The following CCDC13 variants were observed in gnomAD, a reference collection of about 807,000 sequenced individuals.
CCDC13 encodes the protein coiled-coil domain containing 13.
Under a neutral mutation model 87.3 loss-of-function variants are expected in CCDC13, and 70 were observed. The ratio of observed to expected loss-of-function variants is 0.80; its 90% CI spans 0.66 to 0.98. The LOEUF is 0.98. CCDC13 is among the 50% of genes least tolerant of loss of function. The pLI, the probability that CCDC13 is intolerant of heterozygous loss-of-function variation, is 0.00. For missense variants in CCDC13, 842 were observed against 892.0 expected, an observed-to-expected ratio of 0.94 and a Z score of 0.71; for synonymous variants, 317 against 360.3, an observed-to-expected ratio of 0.88 and a Z score of 1.36.
chr3:42,739,835 G>C, intron 8 of CCDC13, 25 bp from the exon 9 acceptor site: 1 of 1,607,282 alleles, frequency 6.2e-7, no homozygotes, highest in East Asian at 2.2e-5. Flanking sequence ...TGAGGGCATG[G>C]GCAGCAGGGC....
chr3:42,745,884 C>T, intron 7 of CCDC13, 39 bp downstream of exon 7: 5 of 1,537,610 alleles, frequency 3.3e-6, no homozygotes, highest in South Asian at 1.1e-5. Context: ...TGTTTTAAAT[C>T]CTTTGTTCAG....
In CCDC13 at chr3:42,758,245, C is replaced by G. The variant is rs767441547; in HGVS notation, c.101G>C (p.Arg34Thr). ...GCTTTTGAGGCTCAGTTCTTTTTCC[C>G]TCTTTTTCTCCATCTGCTTCTGTAA... ...KRLQKQMEKK[R>T]EKELSLKSRA... The change falls in exon 2 of 16, where the codon AGG (arginine) becomes ACG (threonine). Residue 34 changes from arginine to threonine, a missense_variant. By Grantham distance (71) the Arg-to-Thr change is moderately conservative (BLOSUM62 -1). Coordinates refer to ENST00000310232, the MANE Select transcript of CCDC13 (RefSeq NM_144719.4). 6.2e-7 allele frequency: 1 copy of G among 1,613,900 alleles called. No homozygotes were observed. Among genetic ancestry groups the G allele is most frequent in the South Asian group, 1.1e-5 (1 of 91,072 alleles).
At chr3:42,760,827 T>C (rs1021380808) in intron 1 of CCDC13, among the ~76,000 whole-genome samples, 4 of 152,162 alleles carry the variant, frequency 2.6e-5, no homozygotes, top group Non-Finnish European at 5.9e-5. Flanking sequence ...GGTATCTCAA[T>C]GTGTTTTTAA....
intron 13 of CCDC13, chr3:42,719,382 C>CCTCTTTCTCTCTCT (rs1386418167): frequency 5.7e-5 from 3 of 52,382 alleles, no homozygotes; most frequent in East Asian, 1.7e-3. Flanking sequence ...GCAGTGCTTT[C>CCTCTTTCTCTCTCT]CTCTCTCTCT....
At chr3:42,717,246 C>T (rs933148731) in intron 13 of CCDC13, among the ~76,000 whole-genome samples, 6 of 151,564 alleles carry the variant, frequency 4.0e-5, no homozygotes, top group South Asian at 2.1e-4. Context: ...GCCAACATGG[C>T]GAAACCCCAT....
At position 42,747,349 on chromosome 3, in the gene CCDC13, G is replaced by A. The variant is rs148855273; in HGVS notation, c.628C>T (p.Leu210=). 460 of 1,613,880 alleles carry A rather than the reference G, an allele frequency of 2.9e-4. 1 individual carries two copies. Among genetic ancestry groups the A allele is most frequent in the Non-Finnish European group, 3.6e-4 (422 of 1,179,966 alleles). Residue 210 remains leucine, a synonymous_variant, in exon 6 of 16, where the codon CTG becomes TTG. Transcript: ENST00000310232. ...ALLETPEVKA[L]QDRLVATNLK... ...TTGGTGGCCACCAGCCTGTCCTGCA[G>A]GGCCTTCACCTCTGGGGTCTCCAGC...
At chr3:42,729,233 G>A (rs991343289) in intron 13 of CCDC13, among the ~76,000 whole-genome samples, 2 of 152,142 alleles carry the variant, frequency 1.3e-5, no homozygotes, top group African/African-American at 4.8e-5. Flanking sequence ...GAGAGAGAAA[G>A]CCTGCATTGA....
Position 42,735,659 on chromosome 3 carries a change from C to T in CCDC13, c.1371+48G>A, listed in dbSNP as rs778229694. Reference sequence around the variant, plus strand: ...AAAGAAGTGGAAGGAGCTGGATGGACTTGCCCGGCTTGAAAATGGGTTTGG... The same window carrying T: ...AAAGAAGTGGAAGGAGCTGGATGGATTTGCCCGGCTTGAAAATGGGTTTGG... On this transcript the variant is annotated intron_variant, in intron 10 of 15. Coordinates refer to ENST00000310232, the MANE Select transcript of CCDC13 (RefSeq NM_144719.4). 4 of 1,585,960 alleles carry T rather than the reference C, an allele frequency of 2.5e-6. No homozygotes were observed. In the South Asian group the frequency reaches 4.4e-5, roughly 18 times the overall value.
chr3:42,745,390 G>A (rs1699364740), intron 7 of CCDC13: 1 of 153,452 alleles, frequency 6.5e-6, no homozygotes, highest in African/African-American at 2.4e-5. Flanking sequence ...CAGAGCTAAA[G>A]GAACTTGCTT....
At chr3:42,719,144 C>T (rs563043085) in intron 13 of CCDC13, 84 of 152,314 alleles carry the variant, frequency 5.5e-4, no homozygotes, top group African/African-American at 2.0e-3. Context: ...ATTAATCTGT[C>T]TTGCACTCTT....
At chr3:42,719,069 G>A (rs564720895) in intron 13 of CCDC13, 5 of 152,286 alleles carry the variant, frequency 3.3e-5, no homozygotes, top group South Asian at 2.1e-4. Flanking sequence ...AGTTCCTCTC[G>A]GTAAAGTCCC....
In CCDC13 at chr3:42,732,938, T is replaced by G. The variant is rs1698882802; in HGVS notation, c.1544A>C (p.Glu515Ala). Residue 515 changes from glutamate (E) to alanine (A), a missense_variant, in exon 12 of 16, where the codon GAA becomes GCA. Coordinates refer to ENST00000310232, the MANE Select transcript of CCDC13 (RefSeq NM_144719.4). ...SVTSLGHTLVESALTRPSLPS... is the reference protein window; with the variant it reads ...SVTSLGHTLVASALTRPSLPS... The stretch of plus-strand genomic sequence containing the variant: ...CAGGGAAGGCCTCGTGAGAGCAGAT[T>G]CCACCAGTGTGTGGCCCAGGCTGGT... 1 of 1,554,104 alleles carries G rather than the reference T, an allele frequency of 6.4e-7. No individual in the cohort carries two copies. The highest frequency in any genetic ancestry group is 8.7e-7 in the Non-Finnish European group (1 of 1,148,120).
At chr3:42,767,916 G>T (rs759363368) in intron 1 of CCDC13, among the ~76,000 whole-genome samples, 2 of 151,934 alleles carry the variant, frequency 1.3e-5, no homozygotes, top group Non-Finnish European at 2.9e-5. Flanking sequence ...AGAGGTTGCA[G>T]TGAGCTGAGA....
chr3:42,733,056 T>C, intron 11 of CCDC13, 86 bp from the exon 12 acceptor site: 1 of 1,114,074 alleles, frequency 9.0e-7, no homozygotes, highest in Admixed American at 2.5e-5. Context: ...GGTGGAGCAG[T>C]GGCCAGCAGG....
At chr3:42,750,286 G>A (rs932462045) in intron 5 of CCDC13, among the ~76,000 whole-genome samples, 17 of 152,218 alleles carry the variant, frequency 1.1e-4, no homozygotes, top group African/African-American at 3.6e-4. Context: ...CCAGCTCAGG[G>A]ACGCCCTCCT....
At chr3:42,752,301 C>T (rs1265727028) in intron 4 of CCDC13, among the ~76,000 whole-genome samples, 1 of 152,156 alleles carries the variant, frequency 6.6e-6, no homozygotes, top group East Asian at 1.9e-4. Context: ...TAATCTGTCT[C>T]CTGAAGTTCC....
At chr3:42,764,003 GA>G (rs1295251333) in intron 1 of CCDC13, among the ~76,000 whole-genome samples, 1 of 152,200 alleles carries the variant, frequency 6.6e-6, no homozygotes, top group Non-Finnish European at 1.5e-5. Context: ...CCAAGGTTGG[GA>G]GGGGGGAGCT....
chr3:42,719,882 G>C lies in CCDC13; in HGVS notation c.1719-6566C>G, dbSNP rs760729205. ...TTTAATTGGTTTGAAAATAATAAGA[G>C]CTTAAATATTTTATCAGAAAAATAA... On this transcript the variant is annotated intron_variant, in intron 13 of 15. Coordinates refer to ENST00000310232, the MANE Select transcript of CCDC13 (RefSeq NM_144719.4). Among the ~76,000 whole-genome samples the C allele has an allele frequency of 4.1e-4, 63 of 152,226 alleles. 1 individual carries two copies. Among genetic ancestry groups the C allele is most frequent in the Middle Eastern group, 3.4e-3 (1 of 294 alleles).
chr3:42,768,848 G>A (rs1469559266), intron 1 of CCDC13, among the ~76,000 whole-genome samples: 1 of 150,620 alleles, frequency 6.6e-6, no homozygotes, highest in Non-Finnish European at 1.5e-5. Context: ...CAGTTAAAAA[G>A]TGGGCAAGGC....
Sources: allele counts gnomAD v4.1 joint callset (sites outside exome capture counted in the v4.1 genomes callset), GRCh38; gene constraint gnomAD v4.1.1; transcripts MANE v1.5; gene names NCBI Gene and HGNC (gene_info 2026-07-23, HGNC 2026-07-21).